PTPRT: variants seen among roughly 807,000 people sequenced by gnomAD.
PTPRT encodes the protein protein tyrosine phosphatase receptor type T.
In PTPRT, 56 loss-of-function variants were observed where a neutral mutation model predicts 176.8. The observed-to-expected ratio is 0.32, with a 90% CI of 0.26 to 0.40. The LOEUF is 0.40. Among genes scored for constraint, PTPRT ranks in the 10% least tolerant of loss-of-function variants. The pLI is 1.00. For synonymous variants in PTPRT, 783 were observed against 739.0 expected, an observed-to-expected ratio of 1.06 and a Z score of -0.96; for missense variants, 1,540 against 1,908.2, an observed-to-expected ratio of 0.81 and a Z score of 3.60.
At chr20:43,081,163 G>C (rs1192627681) in intron 1 of PTPRT, among the ~76,000 whole-genome samples, 3 of 152,164 alleles carry the variant, frequency 2.0e-5, no homozygotes, top group Admixed American at 2.0e-4. Flanking sequence ...AAAATAACAA[G>C]AGCAGCTTTC....
chr20:42,879,589 C>G (rs1600509955), intron 2 of PTPRT, among the ~76,000 whole-genome samples: 1 of 152,122 alleles, frequency 6.6e-6, no homozygotes, highest in African/African-American at 2.4e-5. Context: ...ACCATTCAAC[C>G]CAAACAGACC....
chr20:42,830,308 A>T (rs2078062869), intron 2 of PTPRT, among the ~76,000 whole-genome samples: 1 of 152,258 alleles, frequency 6.6e-6, no homozygotes, highest in Non-Finnish European at 1.5e-5. Flanking sequence ...CAAATCAATA[A>T]ACGTGATTCA....
chr20:43,157,590 C>T (rs1325621577), intron 1 of PTPRT, among the ~76,000 whole-genome samples: 1 of 152,152 alleles, frequency 6.6e-6, no homozygotes, highest in Non-Finnish European at 1.5e-5. Context: ...CTAATTTTCC[C>T]AGGACAGTCA....
At chr20:43,171,005 G>GAGTATGTGC (rs1487901949) in intron 1 of PTPRT, among the ~76,000 whole-genome samples, 2 of 152,198 alleles carry the variant, frequency 1.3e-5, no homozygotes, top group African/African-American at 4.8e-5. Flanking sequence ...CTGCGTGACT[G>GAGTATGTGC]AGTATGTGCA....
At chr20:42,890,923 C>T (rs1334084846) in intron 1 of PTPRT, among the ~76,000 whole-genome samples, 2 of 152,142 alleles carry the variant, frequency 1.3e-5, no homozygotes, top group South Asian at 2.1e-4. Flanking sequence ...TAGTAAGTCT[C>T]GCAAGATCTG....
rs1209007256 is a variant in PTPRT at position 42,615,270 on chromosome 20, C to G, written c.1153+62596G>C. Among the ~76,000 whole-genome samples the G allele has an allele frequency of 2.9e-5, 4 of 137,098 alleles. No individual in the cohort carries two copies. In the East Asian group the frequency reaches 5.9e-4, roughly 20 times the overall value. 89.9% of individuals were successfully genotyped at this position (137,098 alleles called of 152,430 possible). On this transcript the variant is annotated intron_variant, in intron 7 of 30. Transcript: ENST00000373187. ...GTCCCTACAAAGGACACGAACTCAT[C>G]ATTTTTTATGGCTGCATAGTATTCC...
intron 15 of PTPRT, among the ~76,000 whole-genome samples, chr20:42,215,512 T>G (rs994876292): frequency 6.6e-6 from 1 of 152,172 alleles, no homozygotes; most frequent in Non-Finnish European, 1.5e-5. Context: ...CTTGCTTTCA[T>G]TTTTAATTTT....
At chr20:42,150,702 A>T (rs1241681737) in intron 17 of PTPRT, among the ~76,000 whole-genome samples, 2 of 152,224 alleles carry the variant, frequency 1.3e-5, no homozygotes, top group Non-Finnish European at 2.9e-5. Context: ...CACCACTTCG[A>T]GTGTCAATAA....
intron 7 of PTPRT, among the ~76,000 whole-genome samples, chr20:42,491,907 T>C (rs139629492): frequency 4.6e-5 from 7 of 152,318 alleles, no homozygotes; most frequent in Non-Finnish European, 8.8e-5. Flanking sequence ...TTTTATCATT[T>C]CATAAATGTT....
chr20:42,268,043 C>A (rs955057346), intron 13 of PTPRT, among the ~76,000 whole-genome samples: 2 of 152,196 alleles, frequency 1.3e-5, no homozygotes, highest in African/African-American at 2.4e-5. Context: ...GTCCCTGCTA[C>A]ATAATGTGGT....
chr20:42,706,022 G>C (rs2076049626), intron 6 of PTPRT, among the ~76,000 whole-genome samples: 1 of 151,986 alleles, frequency 6.6e-6, no homozygotes, highest in South Asian at 2.1e-4. Context: ...TAGGGGGTGG[G>C]GAACAGGTTT....
chr20:42,830,972 C>A (rs1457342933), intron 2 of PTPRT, among the ~76,000 whole-genome samples: 2 of 151,942 alleles, frequency 1.3e-5, no homozygotes, highest in Non-Finnish European at 1.5e-5. Flanking sequence ...CTGCCCAAAG[C>A]AACCTACAGA....
rs150143244 is a variant in PTPRT at position 42,477,337 on chromosome 20, T to G, written c.1154-4775A>C. On this transcript the variant is annotated intron_variant, in intron 7 of 30. Coordinates refer to ENST00000373187, the MANE Select transcript of PTPRT (RefSeq NM_007050.6). ...TCAGACTCTCTGACTCCACAGTCCT[T>G]GTTCTGTCCCCTTCAGCATGTCAGC... Among the ~76,000 whole-genome samples, 138 of 152,250 alleles carry G rather than the reference T, an allele frequency of 9.1e-4. 3 individuals are homozygous for G. The East Asian group carries it at 0.025, about 28-fold the overall frequency.
At chr20:42,786,904 A>G (rs1569156611) in intron 3 of PTPRT, among the ~76,000 whole-genome samples, 1 of 152,150 alleles carries the variant, frequency 6.6e-6, no homozygotes, top group Non-Finnish European at 1.5e-5. Context: ...GGACTTCACT[A>G]TGCAACTCTG....
At chr20:42,596,437 A>G (rs2073671938) in intron 7 of PTPRT, among the ~76,000 whole-genome samples, 1 of 152,154 alleles carries the variant, frequency 6.6e-6, no homozygotes, top group Admixed American at 6.5e-5. Flanking sequence ...CCACTTCCAT[A>G]CGGAATACCA....
In PTPRT at chr20:42,149,422, ATT is replaced by A. The variant is rs11479052; in HGVS notation, c.2683-7422_2683-7421del. Among the ~76,000 whole-genome samples the A allele has an allele frequency of 4.1e-3, 587 of 143,786 alleles. 3 individuals are homozygous for A. Among genetic ancestry groups the A allele is most frequent in the African/African-American group, 7.4e-3 (288 of 38,822 alleles). 94.3% of individuals were successfully genotyped at this position (143,786 alleles called of 152,430 possible). On this transcript the variant is annotated intron_variant, in intron 17 of 30. Coordinates refer to ENST00000373187, the MANE Select transcript of PTPRT (RefSeq NM_007050.6). ...TTATAATTCAATGGGAAAGTTTTGG[ATT>A]TTTTTTTTTTTTTGAGATGATGGAA...
At chr20:42,873,505 T>A (rs1269650012) in intron 2 of PTPRT, among the ~76,000 whole-genome samples, 2 of 152,158 alleles carry the variant, frequency 1.3e-5, no homozygotes, top group Non-Finnish European at 2.9e-5. Context: ...TATTGACCAA[T>A]AGAAACACAA....
At chr20:42,283,932 A>T (rs1227647067) in intron 12 of PTPRT, among the ~76,000 whole-genome samples, 1 of 152,210 alleles carries the variant, frequency 6.6e-6, no homozygotes, top group East Asian at 1.9e-4. Flanking sequence ...AATTAATCTC[A>T]TAGTTATCGC....
At chr20:42,372,901 G>GA (rs1345230729) in intron 9 of PTPRT, among the ~76,000 whole-genome samples, 1 of 152,134 alleles carries the variant, frequency 6.6e-6, no homozygotes, top group Admixed American at 6.5e-5. Flanking sequence ...AGAACTGCAA[G>GA]AAAAAATTTC....
Sources: gnomAD v4.1 joint callset for allele counts (sites outside exome capture counted in the v4.1 genomes callset) on GRCh38, gnomAD v4.1.1 for gene constraint, MANE v1.5 for transcripts, NCBI Gene and HGNC (gene_info 2026-07-23, HGNC 2026-07-21) for gene names.